Variants in PBX1 observed in about 807,000 individuals in gnomAD.
PBX1 encodes the protein pre-B-cell leukemia transcription factor 1.
In PBX1, 6 loss-of-function variants were observed where a neutral mutation model predicts 53.4. The observed-to-expected ratio is 0.11, with a 90% CI of 0.06 to 0.22. The LOEUF is 0.22. Ranked by LOEUF, PBX1 falls within the 10% of genes least tolerant of loss-of-function variation. The pLI, the probability that PBX1 is intolerant of heterozygous loss-of-function variation, is 1.00. For missense variants in PBX1, 251 were observed against 551.4 expected (o/e 0.46, Z 5.46); for synonymous variants, 204 against 212.3 (o/e 0.96, Z 0.34).
downstream of PBX1, among the ~76,000 whole-genome samples, chr1:164,855,669 A>T (rs1017990122): frequency 6.6e-6 from 1 of 152,228 alleles, no homozygotes; most frequent in African/African-American, 2.4e-5. Context: ...AGGAAGCAGG[A>T]AAGACAGAGA....
chr1:164,623,122 CT>C (rs1657798591), intron 2 of PBX1, among the ~76,000 whole-genome samples: 2 of 152,140 alleles, frequency 1.3e-5, no homozygotes, highest in Admixed American at 1.3e-4. Context: ...CAGTTGCCAT[CT>C]TTTTTATGTG....
intron 2 of PBX1, among the ~76,000 whole-genome samples, chr1:164,861,300 TTTTG>T (rs1247865826): frequency 2.0e-5 from 3 of 152,284 alleles, no homozygotes; most frequent in South Asian, 2.1e-4. Context: ...GCCCTTGTCG[TTTTG>T]TTTAAGAGCA....
chr1:164,687,534 A>G (rs1346862666), intron 2 of PBX1, among the ~76,000 whole-genome samples: 1 of 143,278 alleles, frequency 7.0e-6, no homozygotes, highest in Non-Finnish European at 1.5e-5. Context: ...ACTGCACTCC[A>G]GCTGGGTGAT....
intron 2 of PBX1, among the ~76,000 whole-genome samples, chr1:164,723,831 A>G (rs1182324666): frequency 6.6e-6 from 1 of 152,224 alleles, no homozygotes; most frequent in Non-Finnish European, 1.5e-5. Flanking sequence ...GTCAGAATCA[A>G]ATTAATAATT....
intron 2 of PBX1, among the ~76,000 whole-genome samples, chr1:164,764,700 A>G (rs1405459182): frequency 6.6e-6 from 1 of 152,160 alleles, no homozygotes; most frequent in African/African-American, 2.4e-5. Context: ...GTTATAGCCC[A>G]CCTACATGGA....
At chr1:164,709,455 C>T (rs894294538) in intron 2 of PBX1, among the ~76,000 whole-genome samples, 1 of 152,050 alleles carries the variant, frequency 6.6e-6, no homozygotes, top group Non-Finnish European at 1.5e-5. Context: ...AACTGCTGAG[C>T]CAACTCATGA....
chr1:164,717,198 A>G (rs1664152908), intron 2 of PBX1, among the ~76,000 whole-genome samples: 1 of 152,222 alleles, frequency 6.6e-6, no homozygotes, highest in Non-Finnish European at 1.5e-5. Context: ...GAGGGTGACT[A>G]ATATGTTCAT....
At chr1:164,601,613 T>C (rs566557227) in intron 2 of PBX1, among the ~76,000 whole-genome samples, 1 of 152,268 alleles carries the variant, frequency 6.6e-6, no homozygotes, top group East Asian at 1.9e-4. Context: ...AGGAGGGTCT[T>C]AATTTTGGCA....
chr1:164,733,664 A>G (rs1415230634), intron 2 of PBX1, among the ~76,000 whole-genome samples: 1 of 152,188 alleles, frequency 6.6e-6, no homozygotes, highest in Non-Finnish European at 1.5e-5. Context: ...CTATCTTCAT[A>G]TTGACTAGAT....
chr1:164,647,217 A>G (rs1053475199), intron 2 of PBX1, among the ~76,000 whole-genome samples: 1 of 152,206 alleles, frequency 6.6e-6, no homozygotes, highest in Non-Finnish European at 1.5e-5. Flanking sequence ...TCAAAGCTCA[A>G]GGCACTGAAT....
intron 2 of PBX1, among the ~76,000 whole-genome samples, chr1:164,653,487 G>A (rs1391480564): frequency 6.6e-6 from 1 of 152,052 alleles, no homozygotes; most frequent in Non-Finnish European, 1.5e-5. Context: ...AGGGATGAGT[G>A]AGGGGCTGAG....
At chr1:164,621,074 C>T (rs12140884) in intron 2 of PBX1, among the ~76,000 whole-genome samples, 29,303 of 152,042 alleles carry the variant, frequency 0.19, 3,257 homozygotes, top group Non-Finnish European at 0.26. Flanking sequence ...CTGCAACCTC[C>T]GCCTCCCGGA....
chr1:164,716,729 C>CACACACACACACACACACACAG (rs796685795), intron 2 of PBX1, among the ~76,000 whole-genome samples: 1 of 140,478 alleles, frequency 7.1e-6, no homozygotes, highest in African/African-American at 2.6e-5. Context: ...CACACACACA[C>CACACACACACACACACACACAG]AGAAATACAC....
chr1:164,681,108 A>G (rs538597510), intron 2 of PBX1, among the ~76,000 whole-genome samples: 347 of 2,430 alleles, frequency 0.14, no homozygotes, highest in African/African-American at 0.15. Context: ...ACCTGTCATG[A>G]TGGGAGCGTG....
Position 164,592,668 on chromosome 1 carries a change from G to A in PBX1, c.265+29357G>A, listed in dbSNP as rs1246048642. Among the ~76,000 whole-genome samples, 3 of 152,186 alleles carry A rather than the reference G, an allele frequency of 2.0e-5. No homozygotes were observed. The East Asian group carries it at 5.8e-4, about 29-fold the overall frequency. On this transcript the variant is annotated intron_variant, in intron 2 of 8. Coordinates refer to ENST00000420696, the MANE Select transcript of PBX1 (RefSeq NM_002585.4). ...GCATGGCATCTCCACACAGTAAGTT[G>A]AAAAGCAGTACAGGATCTACGACCA...
chr1:164,622,865 C>T (rs1444058859), intron 2 of PBX1, among the ~76,000 whole-genome samples: 3 of 149,134 alleles, frequency 2.0e-5, no homozygotes, highest in African/African-American at 7.4e-5. Flanking sequence ...TGCTCTTTCG[C>T]CCAGGCTGGA....
At chr1:164,800,389 C>T (rs111907706) in intron 4 of PBX1, among the ~76,000 whole-genome samples, 2,868 of 152,310 alleles carry the variant, frequency 0.019, 33 homozygotes, top group Non-Finnish European at 0.031. Flanking sequence ...CTGAATAAGA[C>T]ATGGCACTTT....
intron 2 of PBX1, chr1:164,642,592 A>G (rs906152037): frequency 1.1e-4 from 17 of 152,392 alleles, no homozygotes; most frequent in African/African-American, 4.1e-4. Context: ...GTAAGTGTTC[A>G]GTATGAATTT....
chr1:164,806,008 G>A (rs1032271098), intron 4 of PBX1, among the ~76,000 whole-genome samples: 2 of 152,212 alleles, frequency 1.3e-5, no homozygotes, highest in African/African-American at 2.4e-5. Flanking sequence ...GGCCATCAGT[G>A]CTTTCTGTTG....
Sources: gnomAD v4.1 joint callset for allele counts (sites outside exome capture counted in the v4.1 genomes callset) on GRCh38, gnomAD v4.1.1 for gene constraint, MANE v1.5 for transcripts, NCBI Gene and HGNC (gene_info 2026-07-23, HGNC 2026-07-21) for gene names.